GNA12: variants seen among roughly 807,000 people sequenced by gnomAD.
GNA12 encodes guanine nucleotide-binding protein subunit alpha-12.
In GNA12, 9 loss-of-function variants were observed where a neutral mutation model predicts 26.0. The observed-to-expected ratio is 0.35, with a 90% CI of 0.21 to 0.60. GNA12 has a LOEUF of 0.60. Among genes scored for constraint, GNA12 ranks in the 20% least tolerant of loss-of-function variants. The probability of loss-of-function intolerance (pLI) is 0.78; values close to 1 mark genes in which losing one functional copy is unlikely to be tolerated. For synonymous variants in GNA12, 264 were observed against 219.6 expected, an observed-to-expected ratio of 1.20 and a Z score of -1.79; for missense variants, 405 against 525.8, an observed-to-expected ratio of 0.77 and a Z score of 2.25.
intron 1 of GNA12, among the ~76,000 whole-genome samples, chr7:2,807,533 C>T (rs1172903555): frequency 6.6e-6 from 1 of 150,812 alleles, no homozygotes; most frequent in Non-Finnish European, 1.5e-5. Flanking sequence ...TTACTGTCTC[C>T]ATAAACAGAA....
At chr7:2,787,190 GA>G in intron 2 of GNA12, among the ~76,000 whole-genome samples, 1 of 152,310 alleles carries the variant, frequency 6.6e-6, no homozygotes, top group Admixed American at 6.5e-5. Context: ...GGTGGCCTGT[GA>G]ATCCCTCCCG....
chr7:2,816,955 C>CTGCTCTCA (rs1793231987), intron 1 of GNA12, among the ~76,000 whole-genome samples: 1 of 152,160 alleles, frequency 6.6e-6, no homozygotes, highest in Non-Finnish European at 1.5e-5. Context: ...ACTGATGCCC[C>CTGCTCTCA]TGCTCTCATT....
At chr7:2,737,840 G>A (rs1488959314) in intron 2 of GNA12, among the ~76,000 whole-genome samples, 1 of 152,190 alleles carries the variant, frequency 6.6e-6, no homozygotes, top group Non-Finnish European at 1.5e-5. Context: ...GTTAGCATTT[G>A]ATTTCCACTG....
At chr7:2,740,041 T>C (rs531657498) in intron 2 of GNA12, among the ~76,000 whole-genome samples, 35 of 152,298 alleles carry the variant, frequency 2.3e-4, no homozygotes, top group African/African-American at 8.2e-4. Flanking sequence ...GCTGCACAAG[T>C]TTACATTCCC....
intron 1 of GNA12, among the ~76,000 whole-genome samples, chr7:2,830,004 C>G (rs191184883): frequency 2.8e-4 from 43 of 152,344 alleles, no homozygotes; most frequent in African/African-American, 9.6e-4. Flanking sequence ...GGACTCCTGC[C>G]TCGAGCTGTG....
At position 2,795,138 on chromosome 7, in the gene GNA12, T is replaced by G. The variant is rs1485474524; in HGVS notation, c.315A>C (p.Ser105=). The change falls in exon 2 of 4, where the codon TCA becomes TCC. Residue 105 remains serine, a synonymous_variant. Coordinates refer to ENST00000275364, the MANE Select transcript of GNA12 (RefSeq NM_007353.3). Reference sequence around the variant, plus strand: ...TATCTCGTGCATCAACAAGAACCCTTGAGCCCTAGAAAATAAAAGAAAGAA... The same window carrying G: ...TATCTCGTGCATCAACAAGAACCCTGGAGCCCTAGAAAATAAAAGAAAGAA... ...DTIFDNILKG[S]RVLVDARDKL... The G allele has an allele frequency of 9.9e-6, 16 of 1,610,476 alleles. No individual in the cohort carries two copies. The highest frequency in any genetic ancestry group is 1.4e-5 in the Non-Finnish European group (16 of 1,177,208).
intron 2 of GNA12, among the ~76,000 whole-genome samples, chr7:2,765,930 C>G (rs1791789200): frequency 1.3e-5 from 2 of 151,396 alleles, no homozygotes; most frequent in Non-Finnish European, 2.9e-5. Context: ...GCGCGAGCCA[C>G]TGCGCCCGGC....
chr7:2,799,082 G>T (rs1792746853), intron 1 of GNA12, among the ~76,000 whole-genome samples: 2 of 152,164 alleles, frequency 1.3e-5, no homozygotes, highest in African/African-American at 4.8e-5. Context: ...TGTGCTCAAA[G>T]TTCTTAGATG....
chr7:2,790,753 G>C (rs560758334), intron 2 of GNA12, among the ~76,000 whole-genome samples: 14 of 152,228 alleles, frequency 9.2e-5, no homozygotes, highest in Non-Finnish European at 2.1e-4. Flanking sequence ...AGGATTGCTA[G>C]AGCCCAGGAG....
intron 2 of GNA12, among the ~76,000 whole-genome samples, chr7:2,777,877 A>T (rs117111866): frequency 0.019 from 2,948 of 152,372 alleles, 35 homozygotes; most frequent in Non-Finnish European, 0.029. Context: ...ATTTGTTTCT[A>T]AACCTTGAAC....
At chr7:2,775,956 G>C (rs1583271605) in intron 2 of GNA12, among the ~76,000 whole-genome samples, 1 of 152,382 alleles carries the variant, frequency 6.6e-6, no homozygotes, top group South Asian at 2.1e-4. Context: ...CAGCTGGAGA[G>C]ACAGAAACTG....
intron 1 of GNA12, among the ~76,000 whole-genome samples, chr7:2,812,401 G>A (rs1027431424): frequency 2.6e-5 from 4 of 152,148 alleles, no homozygotes; most frequent in East Asian, 1.9e-4. Context: ...AGGCTGAGGC[G>A]GGCGGACCAC....
At chr7:2,840,887 T>A (rs1225568228) in intron 1 of GNA12, among the ~76,000 whole-genome samples, 4 of 151,988 alleles carry the variant, frequency 2.6e-5, no homozygotes, top group Non-Finnish European at 5.9e-5. Flanking sequence ...AATAGTCTCT[T>A]CTCAAAGTGA....
intron 1 of GNA12, among the ~76,000 whole-genome samples, chr7:2,821,148 T>A (rs1025098808): frequency 1.3e-5 from 2 of 152,242 alleles, no homozygotes; most frequent in African/African-American, 4.8e-5. Context: ...TGGTTAATGT[T>A]CTGCTTATTC....
intron 1 of GNA12, among the ~76,000 whole-genome samples, chr7:2,837,926 G>C (rs1778886528): frequency 6.6e-6 from 1 of 152,004 alleles, no homozygotes; most frequent in Non-Finnish European, 1.5e-5. Flanking sequence ...TAAAATCACA[G>C]TTGATGACTG....
At chr7:2,765,938 G>A (rs865781421) in intron 2 of GNA12, among the ~76,000 whole-genome samples, 3 of 145,042 alleles carry the variant, frequency 2.1e-5, no homozygotes, top group Middle Eastern at 3.6e-3. Flanking sequence ...CACTGCGCCC[G>A]GCTCCACATC....
chr7:2,731,400 G>A lies in GNA12; in HGVS notation c.927C>T (p.Ser309=). 3 of 1,613,306 alleles carry A rather than the reference G, an allele frequency of 1.9e-6. No homozygotes were observed. Among genetic ancestry groups the A allele is most frequent in the Non-Finnish European group, 2.5e-6 (3 of 1,179,404 alleles). The change falls in exon 4 of 4, where the codon AGC becomes AGT. Residue 309 remains serine, a synonymous_variant. Transcript: ENST00000275364. This position sits in a 1 kb window ranked among gnomAD's most constrained non-coding sequence, Gnocchi z 6.0. ...DLLVEKVKTV[S]IKKHFPDFRG... Reference sequence around the variant, plus strand: ...TGAAGTCCGGGAAGTGCTTCTTGATGCTCACGGTCTTCACCTTCTCCACCA... The same window carrying A: ...TGAAGTCCGGGAAGTGCTTCTTGATACTCACGGTCTTCACCTTCTCCACCA...
chr7:2,819,354 G>A (rs769457747), intron 1 of GNA12, among the ~76,000 whole-genome samples: 1 of 152,154 alleles, frequency 6.6e-6, no homozygotes, highest in Non-Finnish European at 1.5e-5. Flanking sequence ...ATGACACTCA[G>A]GGCAACCAAC....
intron 2 of GNA12, among the ~76,000 whole-genome samples, chr7:2,738,109 C>G (rs554790855): frequency 6.6e-6 from 1 of 152,160 alleles, no homozygotes; most frequent in South Asian, 2.1e-4. Flanking sequence ...TTGTTTGTTG[C>G]TAATTTATCA....
Sources: gnomAD v4.1 joint callset for allele counts (sites outside exome capture counted in the v4.1 genomes callset) on GRCh38, gnomAD v4.1.1 for gene constraint, Gnocchi (gnomAD v3.1) non-coding constraint, MANE v1.5 for transcripts, NCBI Gene and HGNC (gene_info 2026-07-23, HGNC 2026-07-21) for gene names.